Variants in GAB4 observed in about 807,000 individuals in gnomAD.
GAB4 encodes the protein GRB2 associated binding protein family member 4.
Under a neutral mutation model 51.3 loss-of-function variants are expected in GAB4, and 26 were observed. The ratio of observed to expected loss-of-function variants is 0.51; its 90% CI spans 0.37 to 0.70. The LOEUF (loss-of-function observed/expected upper bound fraction) is 0.70. GAB4 is among the 30% of genes least tolerant of loss of function. The pLI is 0.00. For missense variants in GAB4, 759 were observed against 734.6 expected, an observed-to-expected ratio of 1.03 and a Z score of -0.38; for synonymous variants, 329 against 291.2, an observed-to-expected ratio of 1.13 and a Z score of -1.32.
chr22:16,991,820 T>C lies in GAB4; in HGVS notation c.478+53A>G, dbSNP rs2060916243. 20 of 1,413,906 alleles carry C rather than the reference T, an allele frequency of 1.4e-5. 1 individual carries two copies. The South Asian group carries it at 2.4e-4, about 17-fold the overall frequency. The allele number at this position is 1,413,906 out of a possible 1,614,324, so 87.6% of individuals were successfully genotyped here. A position where few individuals can be genotyped will look rare whatever the true frequency, so the allele number is the denominator to read the frequency against. The stretch of plus-strand genomic sequence containing the variant: ...TAGAGCTGCCCTCCTTGCTGGAGAT[T>C]GGAGGGCCTCATCTCAGCCCCTCCT... On this transcript the variant is annotated intron_variant, in intron 2 of 9. Coordinates refer to ENST00000400588, the MANE Select transcript of GAB4 (RefSeq NM_001037814.1).
rs372130793 is a variant in GAB4, at chr22:16,970,081, T to A, written c.799A>T (p.Ile267Phe). The change falls in exon 4 of 10, where the codon ATC (isoleucine) becomes TTC (phenylalanine). Residue 267 changes from isoleucine to phenylalanine, a missense_variant. This residue lies in a region of GAB4 where 588 missense variants were observed against 510.2 expected (regional missense o/e 1.15). Transcript: ENST00000400588. ...TTGGAAAGGCTATGGAAGCCATGGA[T>A]GTGACCGCTGACCCCATCAACACTG... ...GYSVDGVSGH[I>F]HGFHSLSKPS... is the part of the protein sequence containing the mutation. The A allele has an allele frequency of 6.2e-7, 1 of 1,614,148 alleles. No homozygotes were observed. Among genetic ancestry groups the A allele is most frequent in the South Asian group, 1.1e-5 (1 of 91,078 alleles).
At position 16,997,532 on chromosome 22, in the gene GAB4, GGATA is replaced by G; in HGVS notation, c.175-5360_175-5357del. Among the ~76,000 whole-genome samples the G allele has an allele frequency of 3.3e-5, 5 of 152,236 alleles. No homozygotes were observed. The East Asian group carries it at 7.7e-4, about 23-fold the overall frequency. Reference sequence around the variant, plus strand: ...TTTGTTTAAGTTCTTTGTAGATTCTGGATATTAGCCCTTTGTCAGATGGGTAGAT... The same window carrying G: ...TTTGTTTAAGTTCTTTGTAGATTCTGTTAGCCCTTTGTCAGATGGGTAGAT... On this transcript the variant is annotated intron_variant, in intron 1 of 9. Coordinates refer to ENST00000400588, the MANE Select transcript of GAB4 (RefSeq NM_001037814.1).
chr22:17,001,419 T>C (rs1287051704), intron 1 of GAB4, among the ~76,000 whole-genome samples: 4 of 152,212 alleles, frequency 2.6e-5, no homozygotes, highest in Non-Finnish European at 5.9e-5. Context: ...CTTCTTCCTC[T>C]TGATCAAATT....
chr22:16,993,277 T>C (rs1400273499), intron 1 of GAB4, among the ~76,000 whole-genome samples: 1 of 152,166 alleles, frequency 6.6e-6, no homozygotes, highest in Non-Finnish European at 1.5e-5. Flanking sequence ...TTTACCTCTT[T>C]GGAGCTTGTC....
At chr22:16,992,200 G>A (rs1188752996) in intron 1 of GAB4, 24 bp from the exon 2 acceptor site, 6 of 1,585,610 alleles carry the variant, frequency 3.8e-6, no homozygotes, top group Non-Finnish European at 5.2e-6. Context: ...AAGAAGAGGG[G>A]AAGCATGCAT....
intron 1 of GAB4, among the ~76,000 whole-genome samples, chr22:16,996,724 C>A (rs1475072847): frequency 6.6e-6 from 1 of 152,086 alleles, no homozygotes; most frequent in East Asian, 1.9e-4. Context: ...AGGTTTGTTA[C>A]ATATGTAAAC....
Position 16,965,382 on chromosome 22 carries a change from C to G in GAB4, c.1289-114G>C, listed in dbSNP as rs986199965. The G allele has an allele frequency of 1.4e-5, 11 of 767,330 alleles. No individual in the cohort carries two copies. The Admixed American group carries it at 1.6e-4, about 11-fold the overall frequency. 47.5% of individuals were successfully genotyped at this position (767,330 alleles called of 1,614,324 possible). The stretch of plus-strand genomic sequence containing the variant: ...GCCCACCCCGTCCACCCAGTCCACC[C>G]AGCTGTGTGCGGGGGACTGAGGCTT... On this transcript the variant is annotated intron_variant, in intron 6 of 9. Transcript: ENST00000400588.
intron 1 of GAB4, among the ~76,000 whole-genome samples, chr22:16,993,366 T>C: frequency 6.6e-6 from 1 of 152,152 alleles, no homozygotes. Context: ...TCGAACCACT[T>C]GCTATACAAC....
intron 1 of GAB4, among the ~76,000 whole-genome samples, chr22:17,002,607 C>T (rs1006037057): frequency 1.3e-5 from 2 of 151,612 alleles, no homozygotes; most frequent in Admixed American, 1.3e-4. Flanking sequence ...TATGTTCTCA[C>T]TCATAGGTGG....
intron 3 of GAB4, among the ~76,000 whole-genome samples, chr22:16,972,864 C>T (rs556763428): frequency 3.3e-5 from 5 of 152,210 alleles, no homozygotes; most frequent in Non-Finnish European, 7.3e-5. Context: ...ATCTCCACCA[C>T]TGTCACAGTG....
intron 3 of GAB4, among the ~76,000 whole-genome samples, chr22:16,982,778 A>G (rs1054037979): frequency 3.3e-5 from 5 of 152,224 alleles, no homozygotes; most frequent in East Asian, 3.8e-4. Context: ...TTGGGAAAAA[A>G]GCTGAGGCAG....
intron 1 of GAB4, among the ~76,000 whole-genome samples, chr22:16,999,784 A>C (rs948469834): frequency 1.3e-5 from 2 of 152,220 alleles, no homozygotes; most frequent in African/African-American, 4.8e-5. Context: ...ATTTAGTGCT[A>C]TAAATTTCCC....
At chr22:16,988,621 T>C (rs141881526) in intron 2 of GAB4, among the ~76,000 whole-genome samples, 33 of 152,346 alleles carry the variant, frequency 2.2e-4, no homozygotes, top group African/African-American at 6.5e-4. Context: ...TGTCCTTCCA[T>C]GGCATCTCAG....
chr22:16,963,960 G>A (rs2060650695), intron 8 of GAB4, 131 bp from the exon 9 acceptor site: 2 of 670,950 alleles, frequency 3.0e-6, no homozygotes, highest in Non-Finnish European at 5.3e-6. Context: ...GGCACTCTCT[G>A]CTCATTCAAA....
At chr22:16,968,142 A>G (rs550687755) in intron 5 of GAB4, among the ~76,000 whole-genome samples, 156 bp downstream of exon 5, 60 of 152,298 alleles carry the variant, frequency 3.9e-4, no homozygotes, top group Non-Finnish European at 3.8e-4. Flanking sequence ...CACTTATCCA[A>G]AAACTGAACC....
chr22:16,998,754 C>G (rs36131747), intron 1 of GAB4, among the ~76,000 whole-genome samples: 5 of 152,128 alleles, frequency 3.3e-5, no homozygotes, highest in Admixed American at 1.3e-4. Flanking sequence ...CCAGTTTTTG[C>G]CCATTCAGTA....
intron 1 of GAB4, among the ~76,000 whole-genome samples, chr22:17,000,334 G>C (rs1160727738): frequency 1.3e-5 from 2 of 152,160 alleles, no homozygotes; most frequent in Admixed American, 1.3e-4. Context: ...CCTGTATTGG[G>C]TGCATGTATA....
At chr22:17,005,927 AACCTAGGC>A (rs919273492) in intron 1 of GAB4, among the ~76,000 whole-genome samples, 110 of 152,358 alleles carry the variant, frequency 7.2e-4, no homozygotes, top group African/African-American at 2.5e-3. Flanking sequence ...CTTAGAAGAA[AACCTAGGC>A]AATATCATCC....
Position 16,966,105 on chromosome 22 carries a change from T to C in GAB4, c.1283A>G (p.Gln428Arg), listed in dbSNP as rs201687097. The C allele has an allele frequency of 6.8e-6, 11 of 1,613,784 alleles. No homozygotes were observed. Among genetic ancestry groups the C allele is most frequent in the Admixed American group, 1.7e-5 (1 of 60,022 alleles). Residue 428 changes from glutamine to arginine, a missense_variant, in exon 6 of 10, where the codon CAG becomes CGG. Around this residue, in one of 3 missense-constraint regions of GAB4, gnomAD observed 588 missense variants for 510.2 expected, o/e 1.15. Coordinates refer to ENST00000400588, the MANE Select transcript of GAB4 (RefSeq NM_001037814.1). ...PPVNRSLKPN[Q>R]KANPTPPNLR... is the part of the protein sequence containing the mutation. Reference sequence around the variant, plus strand: ...TAGAATGGGGAAAGACTTACCCTTCTGGTTAGGCTTGAGGCTGCGGTTGAC... The same window carrying C: ...TAGAATGGGGAAAGACTTACCCTTCCGGTTAGGCTTGAGGCTGCGGTTGAC...
Sources: allele counts gnomAD v4.1 joint callset (sites outside exome capture counted in the v4.1 genomes callset), GRCh38; gene constraint gnomAD v4.1.1; regional missense constraint gnomAD v4.1.1; transcripts MANE v1.5; gene names NCBI Gene and HGNC (gene_info 2026-07-23, HGNC 2026-07-21).